The following FBXL17 variants were observed in gnomAD, a reference collection of about 807,000 sequenced individuals.
The protein encoded by FBXL17 is F-box and leucine rich repeat protein 17, also known as F-box/LRR-repeat protein 17.
In FBXL17, 22 loss-of-function variants were observed where a neutral mutation model predicts 66.2. The ratio of observed to expected loss-of-function variants is 0.33; its 90% confidence interval spans 0.24 to 0.47. FBXL17 has a LOEUF of 0.47. Ranked by LOEUF, FBXL17 falls within the 20% of genes least tolerant of loss-of-function variation. The pLI is 1.00. For missense variants in FBXL17, 878 were observed against 948.2 expected (o/e 0.93, Z 0.97); for synonymous variants, 474 against 400.5 (o/e 1.18, Z -2.19).
intron 7 of FBXL17, among the ~76,000 whole-genome samples, chr5:108,019,503 C>G (rs1444719036): frequency 6.6e-6 from 1 of 152,006 alleles, no homozygotes; most frequent in African/African-American, 2.4e-5. Flanking sequence ...TGGCTATTAG[C>G]TACCTGACAA....
At chr5:108,201,512 A>C (rs1290762785) in intron 5 of FBXL17, among the ~76,000 whole-genome samples, 2 of 152,218 alleles carry the variant, frequency 1.3e-5, no homozygotes, top group South Asian at 2.1e-4. Flanking sequence ...ATAACTATTA[A>C]TGTTTTTAAT....
At chr5:108,079,035 G>T (rs1748660331) in intron 6 of FBXL17, among the ~76,000 whole-genome samples, 1 of 151,748 alleles carries the variant, frequency 6.6e-6, no homozygotes, top group African/African-American at 2.4e-5. Context: ...TCCCTGTAGA[G>T]ACAGGGTCTC....
At position 108,380,707 on chromosome 5, in the gene FBXL17, G is replaced by A. The variant is rs1179221593; in HGVS notation, c.985C>T (p.Leu329=). 1.0e-5 allele frequency: 13 copies of A among 1,249,550 alleles called. No individual in the cohort carries two copies. The highest frequency in any genetic ancestry group is 1.1e-5 in the Non-Finnish European group (11 of 989,270). 77.4% of individuals were successfully genotyped at this position (1,249,550 alleles called of 1,614,324 possible). A position where few individuals can be genotyped will look rare whatever the true frequency, so the allele number is the denominator to read the frequency against. ...CTCTCGCCCAGACCCACCTTGAGCA[G>A]GATGGACGGCGGCAGCTGGTTGATG... ...PDINQLPPSI[L]LKIFSNLSLD... Residue 329 remains leucine, a synonymous_variant, in exon 1 of 9, where the codon CTG becomes TTG. Transcript: ENST00000542267.
At chr5:108,289,231 GTTA>G (rs1478159218) in intron 4 of FBXL17, among the ~76,000 whole-genome samples, 1 of 152,088 alleles carries the variant, frequency 6.6e-6, no homozygotes, top group East Asian at 1.9e-4. Context: ...TTGATAATGT[GTTA>G]TTATTAATTT....
chr5:107,985,517 T>C (rs1009582674), intron 7 of FBXL17, among the ~76,000 whole-genome samples: 1 of 152,226 alleles, frequency 6.6e-6, no homozygotes, highest in African/African-American at 2.4e-5. Context: ...CTATGATGTG[T>C]GTTTTCAGAT....
chr5:108,093,280 T>TA (rs201945319), intron 6 of FBXL17, among the ~76,000 whole-genome samples: 3,637 of 143,098 alleles, frequency 0.025, 193 homozygotes, highest in East Asian at 0.23. Flanking sequence ...TTAATCTACT[T>TA]AAAAAAAAAA....
intron 3 of FBXL17, among the ~76,000 whole-genome samples, chr5:108,351,078 G>A (rs1435307361): frequency 6.6e-6 from 1 of 152,166 alleles, no homozygotes; most frequent in Non-Finnish European, 1.5e-5. Context: ...AATGCAACTG[G>A]AGGAAAGCTT....
chr5:108,161,193 CAT>C (rs1752203071), intron 6 of FBXL17, among the ~76,000 whole-genome samples: 1 of 151,740 alleles, frequency 6.6e-6, no homozygotes, highest in East Asian at 1.9e-4. Context: ...TACATACATA[CAT>C]ACCCCAGCCC....
intron 6 of FBXL17, among the ~76,000 whole-genome samples, chr5:108,028,397 T>G (rs1394445347): frequency 2.6e-5 from 4 of 152,194 alleles, no homozygotes; most frequent in African/African-American, 9.6e-5. Flanking sequence ...AGTATTGATA[T>G]GAAAGTCTCA....
intron 6 of FBXL17, among the ~76,000 whole-genome samples, chr5:108,041,048 C>G (rs1747026872): frequency 6.6e-6 from 1 of 152,096 alleles, no homozygotes; most frequent in Non-Finnish European, 1.5e-5. Flanking sequence ...ATCTTAATAA[C>G]AACATGGAGA....
At chr5:108,153,908 T>C (rs1282498672) in intron 6 of FBXL17, among the ~76,000 whole-genome samples, 3 of 152,164 alleles carry the variant, frequency 2.0e-5, no homozygotes, top group Admixed American at 6.5e-5. Context: ...CAACTAGGTG[T>C]CCAGGGCCCA....
At chr5:107,916,897 G>A (rs903584060) in intron 7 of FBXL17, among the ~76,000 whole-genome samples, 7 of 152,118 alleles carry the variant, frequency 4.6e-5, no homozygotes, top group Non-Finnish European at 7.4e-5. Context: ...AGTAGAAACC[G>A]TTTTCTTAGT....
intron 6 of FBXL17, among the ~76,000 whole-genome samples, chr5:108,102,299 G>C (rs1749631904): frequency 6.6e-6 from 1 of 152,084 alleles, no homozygotes; most frequent in Non-Finnish European, 1.5e-5. Flanking sequence ...ATCAAATTAA[G>C]AATATAACTT....
In FBXL17 at chr5:107,879,068, T is replaced by TA. The variant is rs150557680; in HGVS notation, c.1965+1968dup. ...GGTAGAAAATAACCCATTTCTTAAC[T>TA]AAAAATCAGCAAAATGCTGGTCAGC... On this transcript the variant is annotated intron_variant, in intron 8 of 8. Transcript: ENST00000542267. The TA allele has an allele frequency of 8.5e-4, 841 of 985,436 alleles. 6 individuals are homozygous for TA. In the African/African-American group the frequency reaches 0.014, roughly 16 times the overall value. The allele number at this position is 985,436 out of a possible 1,614,324, so 61.0% of individuals were successfully genotyped here.
intron 7 of FBXL17, among the ~76,000 whole-genome samples, chr5:107,954,005 G>A (rs78149510): frequency 1.3e-5 from 2 of 152,142 alleles, no homozygotes; most frequent in African/African-American, 4.8e-5. Context: ...ACCTAGATAA[G>A]TTTATGATTA....
At chr5:108,195,675 GCAGA>G (rs1452269442) in intron 5 of FBXL17, among the ~76,000 whole-genome samples, 2 of 152,304 alleles carry the variant, frequency 1.3e-5, no homozygotes, top group South Asian at 2.1e-4. Flanking sequence ...AAGGGTGGAA[GCAGA>G]CAGAAGCTAT....
At chr5:107,919,937 T>TA (rs1750255717) in intron 7 of FBXL17, among the ~76,000 whole-genome samples, 1 of 152,202 alleles carries the variant, frequency 6.6e-6, no homozygotes, top group Non-Finnish European at 1.5e-5. Context: ...GGACAATTCC[T>TA]GGGGTATAGT....
intron 3 of FBXL17, among the ~76,000 whole-genome samples, chr5:108,351,205 G>A (rs977680162): frequency 2.0e-5 from 3 of 152,080 alleles, no homozygotes; most frequent in Admixed American, 6.6e-5. Context: ...ATTATAGAAT[G>A]TAAATACTGA....
intron 4 of FBXL17, among the ~76,000 whole-genome samples, chr5:108,238,935 T>A (rs1232985347): frequency 2.0e-5 from 3 of 152,192 alleles, no homozygotes; most frequent in Non-Finnish European, 4.4e-5. Context: ...TAAGTTGTAA[T>A]TATATGACTG....
Sources: allele counts gnomAD v4.1 joint callset (sites outside exome capture counted in the v4.1 genomes callset), GRCh38; gene constraint gnomAD v4.1.1; transcripts MANE v1.5; gene names NCBI Gene and HGNC (gene_info 2026-07-23, HGNC 2026-07-21).